Variants in CACNA1C observed in about 807,000 individuals in gnomAD.
CACNA1C encodes the protein voltage-dependent L-type calcium channel subunit alpha-1C.
CACNA1C carries 30 observed loss-of-function variants against 229.0 expected under a neutral mutation model. The observed-to-expected ratio is 0.13, with a 90% confidence interval of 0.10 to 0.18. CACNA1C has a LOEUF of 0.18. Among genes scored for constraint, CACNA1C ranks in the 10% least tolerant of loss-of-function variants. CACNA1C has a pLI of 1.00. For synonymous variants in CACNA1C, 1,114 were observed against 1,132.5 expected (o/e 0.98, Z 0.33); for missense variants, 1,658 against 2,845.0 (o/e 0.58, Z 9.49).
At chr12:2,112,317 C>T (rs2082066483) in intron 1 of CACNA1C, among the ~76,000 whole-genome samples, 4 of 151,934 alleles carry the variant, frequency 2.6e-5, no homozygotes, top group Admixed American at 6.5e-5. Context: ...GTTAAGGTCC[C>T]GGCCTTATTG....
At chr12:2,128,689 G>T (rs2091160663) in intron 3 of CACNA1C, among the ~76,000 whole-genome samples, 1 of 152,202 alleles carries the variant, frequency 6.6e-6, no homozygotes, top group South Asian at 2.1e-4. Context: ...GGGATTACAG[G>T]CGTGAGCCAC....
intron 5 of CACNA1C, among the ~76,000 whole-genome samples, chr12:2,484,475 A>G (rs1483484115): frequency 6.6e-6 from 1 of 152,206 alleles, no homozygotes; most frequent in Non-Finnish European, 1.5e-5. Context: ...TCCTAAGAGC[A>G]GAGGAAGGCA....
intron 9 of CACNA1C, among the ~76,000 whole-genome samples, chr12:2,523,572 T>A (rs951493510): frequency 1.3e-5 from 2 of 150,364 alleles, no homozygotes; most frequent in African/African-American, 5.0e-5. Flanking sequence ...ACCTCAGCAC[T>A]ATGGGGCCCC....
intron 3 of CACNA1C, among the ~76,000 whole-genome samples, chr12:2,291,118 C>T (rs538373047): frequency 6.6e-5 from 10 of 152,276 alleles, no homozygotes; most frequent in Admixed American, 6.5e-4. Context: ...AGGGTTGTTG[C>T]CTGGATTGAA....
At chr12:2,292,384 T>C (rs1357403101) in intron 3 of CACNA1C, among the ~76,000 whole-genome samples, 1 of 152,248 alleles carries the variant, frequency 6.6e-6, no homozygotes, top group Non-Finnish European at 1.5e-5. Flanking sequence ...TGTCCCATTT[T>C]GTATAAACAG....
chr12:2,451,251 A>G (rs1189487363), intron 4 of CACNA1C, among the ~76,000 whole-genome samples: 2 of 152,196 alleles, frequency 1.3e-5, no homozygotes, highest in East Asian at 3.8e-4. Flanking sequence ...GACTCAGTAA[A>G]CCATAGCAAA....
chr12:2,196,584 C>A (rs764023480), intron 3 of CACNA1C, among the ~76,000 whole-genome samples: 11 of 152,200 alleles, frequency 7.2e-5, no homozygotes, highest in Non-Finnish European at 1.3e-4. Context: ...TATATGGTTG[C>A]CATAAATCAT....
intron 9 of CACNA1C, among the ~76,000 whole-genome samples, chr12:2,514,589 C>T (rs2099792101): frequency 1.3e-5 from 2 of 152,102 alleles, no homozygotes; most frequent in African/African-American, 4.8e-5. Context: ...GCCTGTGAGC[C>T]ACGGAGAAGC....
At chr12:2,314,635 A>G (rs1034496935) in intron 3 of CACNA1C, among the ~76,000 whole-genome samples, 8 of 152,218 alleles carry the variant, frequency 5.3e-5, no homozygotes, top group Non-Finnish European at 7.3e-5. Flanking sequence ...AATCATGTTC[A>G]TGAGATTCAT....
chr12:1,973,379 GTTA>G (rs762043099), intron 1 of CACNA1C, among the ~76,000 whole-genome samples: 1 of 152,044 alleles, frequency 6.6e-6, no homozygotes, highest in Non-Finnish European at 1.5e-5. Context: ...ATAAATTAAT[GTTA>G]TTAGAAAGTT....
intron 3 of CACNA1C, among the ~76,000 whole-genome samples, chr12:2,263,303 G>A (rs1159320669): frequency 6.6e-6 from 1 of 152,016 alleles, no homozygotes; most frequent in African/African-American, 2.4e-5. Flanking sequence ...CTGGGAGCAG[G>A]AGGGCCAGGT....
chr12:1,980,915 A>AG, intron 1 of CACNA1C, among the ~76,000 whole-genome samples: 1 of 151,966 alleles, frequency 6.6e-6, no homozygotes, highest in Non-Finnish European at 1.5e-5. Flanking sequence ...ACAATATCTC[A>AG]ATAAGCATAA....
chr12:2,639,974 C>T lies in CACNA1C; in HGVS notation c.3912+5594C>T, dbSNP rs899167239. 1.3e-5 allele frequency among the ~76,000 whole-genome samples: 2 copies of T among 152,124 alleles called. No homozygotes were observed. The highest frequency in any genetic ancestry group is 4.8e-5 in the African/African-American group (2 of 41,418). On this transcript the variant is annotated intron_variant, in intron 30 of 46. Coordinates refer to ENST00000399655, the MANE Select transcript of CACNA1C (RefSeq NM_000719.7). The surrounding 1 kb of genome is among the most constrained non-coding windows in gnomAD (Gnocchi z 4.2). Reference sequence around the variant, plus strand: ...TGGGCACAGCTCTCAGGAGGAATTGCTGGAGGCTTTGCACGATGCACAGGA... The same window carrying T: ...TGGGCACAGCTCTCAGGAGGAATTGTTGGAGGCTTTGCACGATGCACAGGA...
chr12:2,448,332 T>C (rs1318421472), intron 3 of CACNA1C, among the ~76,000 whole-genome samples: 3 of 152,368 alleles, frequency 2.0e-5, no homozygotes, highest in Admixed American at 2.0e-4. Context: ...TTTTCTCTGC[T>C]GAAATGTTCG....
chr12:2,125,500 A>T (rs2089637339), intron 3 of CACNA1C, among the ~76,000 whole-genome samples: 1 of 152,104 alleles, frequency 6.6e-6, no homozygotes, highest in Non-Finnish European at 1.5e-5. Flanking sequence ...AGCTTTTTTT[A>T]AAAAATTAAA....
chr12:2,634,194 CTTTT>C, intron 29 of CACNA1C, 99 bp from the exon 30 acceptor site: 214 of 183,112 alleles, frequency 1.2e-3, no homozygotes, highest in Middle Eastern at 4.9e-3. Context: ...TTTTCCATAC[CTTTT>C]TTTTTTTTTT....
chr12:2,558,889 G>A (rs543228727), intron 11 of CACNA1C, among the ~76,000 whole-genome samples: 1 of 152,004 alleles, frequency 6.6e-6, no homozygotes, highest in Admixed American at 6.5e-5. Flanking sequence ...AAACATCTAG[G>A]GTCAGGCCCA....
At chr12:2,413,306 C>G (rs1277941607) in intron 3 of CACNA1C, among the ~76,000 whole-genome samples, 1 of 152,234 alleles carries the variant, frequency 6.6e-6, no homozygotes, top group Non-Finnish European at 1.5e-5. Flanking sequence ...CGTGAGCCAC[C>G]ACACCCAGCC....
rs549553880 is a variant in CACNA1C at position 2,582,564 on chromosome 12, G to A, written c.2104-258G>A. Among the ~76,000 whole-genome samples the A allele has an allele frequency of 5.9e-5, 9 of 152,326 alleles. No homozygotes were observed. The South Asian group carries it at 1.9e-3, about 32-fold the overall frequency. On this transcript the variant is annotated intron_variant, in intron 14 of 46. Coordinates refer to ENST00000399655, the MANE Select transcript of CACNA1C (RefSeq NM_000719.7). ...GACGGTCAGCTCAAGCATGTGTGGG[G>A]AAAGTCAGAGATCTTTGGGCCAAAA...
Sources: allele counts gnomAD v4.1 joint callset (sites outside exome capture counted in the v4.1 genomes callset), GRCh38; gene constraint gnomAD v4.1.1; non-coding constraint Gnocchi (gnomAD v3.1); transcripts MANE v1.5; gene names NCBI Gene and HGNC (gene_info 2026-07-23, HGNC 2026-07-21).